SLC24A2: variants seen among roughly 807,000 people sequenced by gnomAD.
SLC24A2 encodes the protein sodium/potassium/calcium exchanger 2.
In SLC24A2, 36 loss-of-function variants were observed where a neutral mutation model predicts 62.0. That is an observed-to-expected ratio of 0.58 (90% CI 0.44 to 0.77). SLC24A2 has a LOEUF of 0.77. Among genes scored for constraint, SLC24A2 ranks in the 30% least tolerant of loss-of-function variants. The pLI, the probability that SLC24A2 is intolerant of heterozygous loss-of-function variation, is 0.00. For synonymous variants in SLC24A2, 358 were observed against 294.0 expected (o/e 1.22, Z -2.23); for missense variants, 846 against 817.9 (o/e 1.03, Z -0.42).
intron 10 of SLC24A2, among the ~76,000 whole-genome samples, chr9:19,517,933 A>T (rs1014158145): frequency 2.7e-5 from 4 of 147,544 alleles, no homozygotes; most frequent in South Asian, 4.6e-4. Flanking sequence ...ACACACACAC[A>T]CACACACACA....
the SLC24A2 span, among the ~76,000 whole-genome samples, chr9:19,987,376 T>G: frequency 1.2e-3 from 185 of 152,298 alleles, no homozygotes; most frequent in African/African-American, 4.3e-3. Flanking sequence ...ACTAAATTCC[T>G]ACCTTCCTAT....
intron 2 of SLC24A2, among the ~76,000 whole-genome samples, chr9:19,701,108 T>C (rs942005789): frequency 3.9e-5 from 6 of 152,190 alleles, no homozygotes; most frequent in African/African-American, 1.4e-4. Context: ...TGTGGGAATG[T>C]TGAAGATTTT....
chr9:19,768,371 G>T (rs1822582312), intron 2 of SLC24A2, among the ~76,000 whole-genome samples: 1 of 152,050 alleles, frequency 6.6e-6, no homozygotes, highest in African/African-American at 2.4e-5. Flanking sequence ...CCTCTTCATT[G>T]CTAACCCCAA....
intron 7 of SLC24A2, among the ~76,000 whole-genome samples, chr9:19,566,217 C>A (rs1278617555): frequency 6.6e-6 from 1 of 150,534 alleles, no homozygotes; most frequent in African/African-American, 2.4e-5. Flanking sequence ...ATCTACTCAT[C>A]TGACAAAGGG....
chr9:20,242,350 G>C, the SLC24A2 span, among the ~76,000 whole-genome samples: 1 of 152,190 alleles, frequency 6.6e-6, no homozygotes, highest in Non-Finnish European at 1.5e-5. Context: ...CTTCCTACTC[G>C]ATGCATTACT....
chr9:19,967,206 C>T, the SLC24A2 span: 1 of 152,040 alleles, frequency 6.6e-6, no homozygotes, highest in Middle Eastern at 3.2e-3. Context: ...TTTAATAGTT[C>T]AGCTCCCAGC....
intron 2 of SLC24A2, among the ~76,000 whole-genome samples, chr9:19,674,003 G>C (rs556174307): frequency 6.6e-6 from 1 of 152,182 alleles, no homozygotes; most frequent in Non-Finnish European, 1.5e-5. Flanking sequence ...GTTCTATTTT[G>C]GTGTATTTCA....
the SLC24A2 span, among the ~76,000 whole-genome samples, chr9:19,862,803 C>G: frequency 6.6e-6 from 1 of 151,684 alleles, no homozygotes; most frequent in Admixed American, 6.6e-5. Flanking sequence ...ATTTGCAAGC[C>G]TCATGGTAAT....
the SLC24A2 span, among the ~76,000 whole-genome samples, chr9:20,228,501 T>A: frequency 2.0e-5 from 3 of 151,488 alleles, no homozygotes; most frequent in African/African-American, 7.3e-5. Flanking sequence ...GCGCAACAAA[T>A]ATGAAGATGG....
intron 2 of SLC24A2, among the ~76,000 whole-genome samples, chr9:19,759,860 T>C (rs1158937079): frequency 1.3e-5 from 2 of 152,164 alleles, no homozygotes; most frequent in African/African-American, 2.4e-5. Context: ...TTGAGGCCCA[T>C]CAAACTCCAT....
At chr9:19,702,801 A>G (rs2118536774) in intron 2 of SLC24A2, among the ~76,000 whole-genome samples, 1 of 152,336 alleles carries the variant, frequency 6.6e-6, no homozygotes, top group Middle Eastern at 3.4e-3. Flanking sequence ...AGTGAACTTC[A>G]TATCACTACC....
chr9:20,152,315 G>A, the SLC24A2 span, among the ~76,000 whole-genome samples: 1 of 151,974 alleles, frequency 6.6e-6, no homozygotes. Flanking sequence ...TCTAGCATAA[G>A]GTTTCGTATT....
At chr9:20,054,674 C>G in the SLC24A2 span, among the ~76,000 whole-genome samples, 3 of 152,014 alleles carry the variant, frequency 2.0e-5, no homozygotes, top group Non-Finnish European at 4.4e-5. Flanking sequence ...TTAGAAGAGG[C>G]CTTGAGAGAG....
the SLC24A2 span, among the ~76,000 whole-genome samples, chr9:19,798,578 G>A: frequency 1.1e-4 from 16 of 146,052 alleles, no homozygotes; most frequent in South Asian, 2.2e-4. Context: ...TGAACAATAC[G>A]TTTGATCAAA....
rs1277219961 is a variant in SLC24A2, at chr9:19,533,129, G to GT, written c.1480-4992dup. 3.3e-5 allele frequency among the ~76,000 whole-genome samples: 5 copies of GT among 152,310 alleles called. No individual in the cohort carries two copies. In the East Asian group the frequency reaches 5.8e-4, roughly 18 times the overall value. On this transcript the variant is annotated intron_variant, in intron 8 of 10. Coordinates refer to ENST00000341998, the MANE Select transcript of SLC24A2 (RefSeq NM_020344.4). ...ATAAATGAAGCAGAAATAAAAGCTAGTGGGAGTACTATATACTCTGAAACT... is the reference window on the plus strand; with the variant it reads ...ATAAATGAAGCAGAAATAAAAGCTAGTTGGGAGTACTATATACTCTGAAACT...
At chr9:19,845,883 G>A in the SLC24A2 span, among the ~76,000 whole-genome samples, 6 of 152,000 alleles carry the variant, frequency 3.9e-5, no homozygotes, top group Non-Finnish European at 2.9e-5. Context: ...TAATTTCCAT[G>A]TAACTGTGTG....
chr9:19,720,505 A>G (rs2118648111), intron 2 of SLC24A2, among the ~76,000 whole-genome samples: 1 of 152,274 alleles, frequency 6.6e-6, no homozygotes, highest in East Asian at 1.9e-4. Flanking sequence ...CAGTGAACAC[A>G]CGGATTATGA....
chr9:19,623,939 C>T (rs146675287), intron 2 of SLC24A2, among the ~76,000 whole-genome samples: 382 of 152,314 alleles, frequency 2.5e-3, no homozygotes, highest in Admixed American at 4.4e-3. Flanking sequence ...GGGGCTCTCT[C>T]TCAATGACTT....
intron 8 of SLC24A2, among the ~76,000 whole-genome samples, chr9:19,532,932 T>G (rs1833776986): frequency 6.6e-6 from 1 of 152,178 alleles, no homozygotes; most frequent in Non-Finnish European, 1.5e-5. Context: ...ACTTTTTCGG[T>G]CCTTAGTTTA....
Sources: gnomAD v4.1 joint callset for allele counts (sites outside exome capture counted in the v4.1 genomes callset) on GRCh38, gnomAD v4.1.1 for gene constraint, MANE v1.5 for transcripts, NCBI Gene and HGNC (gene_info 2026-07-23, HGNC 2026-07-21) for gene names.